Variants in RCC1L observed in about 807,000 individuals in gnomAD.
RCC1L encodes RCC1-like G exchanging factor-like protein.
RCC1L carries 46 observed loss-of-function variants against 58.6 expected under a neutral mutation model. That is an observed-to-expected ratio of 0.79 (90% confidence interval 0.62 to 1.00). RCC1L has a LOEUF of 1.00. Among genes scored for constraint, RCC1L ranks in the 50% least tolerant of loss-of-function variants. The pLI is 0.00. For synonymous variants in RCC1L, 281 were observed against 262.9 expected (o/e 1.07, Z -0.67); for missense variants, 636 against 623.6 (o/e 1.02, Z -0.21).
intron 9 of RCC1L, 145 bp downstream of exon 9, chr7:75,055,756 G>C: frequency 1.1e-6 from 1 of 917,066 alleles, no homozygotes; most frequent in Non-Finnish European, 1.7e-6. Flanking sequence ...ACAACTTCTG[G>C]CTTAGCCCTT....
At chr7:75,053,299 C>T (rs1197870610) in intron 9 of RCC1L, among the ~76,000 whole-genome samples, 1 of 151,702 alleles carries the variant, frequency 6.6e-6, no homozygotes, top group African/African-American at 2.4e-5. Flanking sequence ...GTGCACGGGG[C>T]TGGAGGTCAC....
chr7:75,073,641 G>A lies in RCC1L; in HGVS notation c.97C>T (p.Arg33Trp), dbSNP rs1554446537. The A allele has an allele frequency of 1.4e-5, 20 of 1,479,468 alleles. No homozygotes were observed. The highest frequency in any genetic ancestry group is 1.8e-5 in the Non-Finnish European group (20 of 1,123,244). The allele number at this position is 1,479,468 out of a possible 1,614,324, so 91.6% of individuals were successfully genotyped here. ...RGHWTAAGRSRSRREAAEAEA... is the reference protein window; with the variant it reads ...RGHWTAAGRSWSRREAAEAEA... ...GCTTCTGCCGCTTCGCGCCGGCTCC[G>A]GGAGCGCCCGGCCGCCGTCCAGTGC... Residue 33 changes from arginine (R) to tryptophan (W), a missense_variant, in exon 1 of 11, where the codon CGG becomes TGG. Coordinates refer to ENST00000610322, the MANE Select transcript of RCC1L (RefSeq NM_030798.5).
intron 10 of RCC1L, among the ~76,000 whole-genome samples, chr7:75,033,068 T>C: frequency 2.5e-5 from 2 of 80,394 alleles, no homozygotes; most frequent in African/African-American, 5.6e-5. Flanking sequence ...TGAGACTTTG[T>C]CTCAAAAAAA....
downstream of RCC1L, among the ~76,000 whole-genome samples, chr7:75,038,579 G>GT (rs1805479172): frequency 6.6e-6 from 1 of 151,332 alleles, no homozygotes; most frequent in African/African-American, 2.4e-5. Context: ...TACTCCATGG[G>GT]TGGGGGCAGG....
At chr7:75,034,598 G>C (rs1805393474) in intron 10 of RCC1L, among the ~76,000 whole-genome samples, 1 of 152,190 alleles carries the variant, frequency 6.6e-6, no homozygotes, top group Non-Finnish European at 1.5e-5. Context: ...TGTAAAGGTT[G>C]ATAGCAGAAC....
At chr7:75,068,523 C>T (rs1806592706) in intron 2 of RCC1L, among the ~76,000 whole-genome samples, 1 of 151,922 alleles carries the variant, frequency 6.6e-6, no homozygotes, top group Non-Finnish European at 1.5e-5. Flanking sequence ...CCCGTCTCTA[C>T]TAAAATCCCC....
intron 10 of RCC1L, among the ~76,000 whole-genome samples, chr7:75,028,464 C>G (rs1584481786): frequency 6.6e-6 from 1 of 152,070 alleles, no homozygotes; most frequent in East Asian, 1.9e-4. Context: ...GGGGCTGCCA[C>G]TTGAGCTCCT....
chr7:75,037,586 C>T (rs1805456657), downstream of RCC1L, among the ~76,000 whole-genome samples: 1 of 148,686 alleles, frequency 6.7e-6, no homozygotes, highest in Admixed American at 6.8e-5. Flanking sequence ...CTCACTGCAA[C>T]CTCCGCTTCC....
At position 75,055,861 on chromosome 7, in the gene RCC1L, T is replaced by C. The variant is rs781956792; in HGVS notation, c.1231+40A>G. On this transcript the variant is annotated intron_variant, in intron 9 of 10. Transcript: ENST00000610322. Reference sequence around the variant, plus strand: ...GGTTGAACTGGAGACAGAGAACCTCTGCTGGGCTCACACCAGGGCCACCGG... The same window carrying C: ...GGTTGAACTGGAGACAGAGAACCTCCGCTGGGCTCACACCAGGGCCACCGG... 6.8e-6 allele frequency: 11 copies of C among 1,613,220 alleles called. No individual in the cohort carries two copies. In the South Asian group the frequency reaches 1.2e-4, roughly 18 times the overall value.
At chr7:75,066,079 A>T (rs921204021) in intron 3 of RCC1L, among the ~76,000 whole-genome samples, 2 of 152,048 alleles carry the variant, frequency 1.3e-5, no homozygotes, top group Non-Finnish European at 2.9e-5. Context: ...TTCATAGCAA[A>T]TGGATCAGGC....
chr7:75,035,708 T>TA (rs1333220952), intron 10 of RCC1L, among the ~76,000 whole-genome samples: 77 of 144,078 alleles, frequency 5.3e-4, no homozygotes, highest in South Asian at 1.6e-3. Flanking sequence ...TATTATATAT[T>TA]AAAAAAAAAA....
Position 75,058,771 on chromosome 7 carries a change from T to C in RCC1L, c.788-2A>G. ...TGGTGATATTGTAGTGACCCAGACC[T>C]AACACAGTGGAAAATACAGATTTTT... On this transcript the variant is annotated splice_acceptor_variant, in intron 6 of 10. Coordinates refer to ENST00000610322, the MANE Select transcript of RCC1L (RefSeq NM_030798.5). LOFTEE classifies it high-confidence loss of function. 1 of 1,613,948 alleles carries C rather than the reference T, an allele frequency of 6.2e-7. No individual in the cohort carries two copies. Among genetic ancestry groups the C allele is most frequent in the Non-Finnish European group, 8.5e-7 (1 of 1,179,836 alleles).
downstream of RCC1L, among the ~76,000 whole-genome samples, chr7:75,041,274 C>A (rs587653548): frequency 1.3e-5 from 2 of 152,074 alleles, no homozygotes; most frequent in East Asian, 3.9e-4. Flanking sequence ...GAGATCCCAT[C>A]CTCTCCTCCT....
rs1399721351 is a variant in RCC1L at position 75,073,403 on chromosome 7, G to A, written c.324+11C>T. ...GAGAGAAGGAGAGAAGGAGGAAGCCGCGGCCTGCACCTTTTGGTCCAGCTC... is the reference window on the plus strand; with the variant it reads ...GAGAGAAGGAGAGAAGGAGGAAGCCACGGCCTGCACCTTTTGGTCCAGCTC... On this transcript the variant is annotated intron_variant, in intron 1 of 10. Coordinates refer to ENST00000610322, the MANE Select transcript of RCC1L (RefSeq NM_030798.5). 6.1e-6 allele frequency: 7 copies of A among 1,152,220 alleles called. No homozygotes were observed. Among genetic ancestry groups the A allele is most frequent in the Non-Finnish European group, 6.8e-6 (6 of 881,942 alleles). The allele number at this position is 1,152,220 out of a possible 1,614,324, so 71.4% of individuals were successfully genotyped here.
chr7:75,064,704 G>T, intron 3 of RCC1L, 56 bp from the exon 4 acceptor site: 1 of 1,590,266 alleles, frequency 6.3e-7, no homozygotes, highest in Non-Finnish European at 8.6e-7. Flanking sequence ...ATCCTAGAAT[G>T]TGAGGACTGG....
chr7:75,031,105 A>G (rs1403578113), intron 10 of RCC1L, among the ~76,000 whole-genome samples: 3 of 152,214 alleles, frequency 2.0e-5, no homozygotes, highest in African/African-American at 7.2e-5. Flanking sequence ...CTAAAAGAGT[A>G]GGGAGCTGAT....
At chr7:75,062,692 A>G (rs1240082640) in intron 5 of RCC1L, among the ~76,000 whole-genome samples, 3 of 152,216 alleles carry the variant, frequency 2.0e-5, no homozygotes, top group Non-Finnish European at 4.4e-5. Flanking sequence ...AAGTGCTGTG[A>G]TACTTTTGCC....
chr7:75,063,411 C>G, intron 4 of RCC1L, 68 bp from the exon 5 acceptor site: 1 of 1,526,822 alleles, frequency 6.5e-7, no homozygotes, highest in Non-Finnish European at 9.1e-7. Context: ...CAGCCCTTTC[C>G]CTGTCACCCC....
intron 10 of RCC1L, among the ~76,000 whole-genome samples, chr7:75,046,268 T>C (rs1263251480): frequency 6.6e-6 from 1 of 152,220 alleles, no homozygotes; most frequent in Non-Finnish European, 1.5e-5. Context: ...GGCACGTCGA[T>C]GCAGAAAGCC....
Sources: gnomAD v4.1 joint callset for allele counts (sites outside exome capture counted in the v4.1 genomes callset) on GRCh38, gnomAD v4.1.1 for gene constraint, MANE v1.5 for transcripts, NCBI Gene and HGNC (gene_info 2026-07-23, HGNC 2026-07-21) for gene names.